The following SOX5 variants were observed in gnomAD, a reference collection of about 807,000 sequenced individuals.
The protein encoded by SOX5 is transcription factor SOX-5.
Under a neutral mutation model 92.0 loss-of-function variants are expected in SOX5, and 9 were observed. The observed-to-expected ratio is 0.10, with a 90% CI of 0.06 to 0.17. The LOEUF is 0.17. Among genes scored for constraint, SOX5 ranks in the 10% least tolerant of loss-of-function variants. The probability of loss-of-function intolerance (pLI) is 1.00; values close to 1 mark genes in which losing one functional copy is unlikely to be tolerated. For missense variants in SOX5, 642 were observed against 944.5 expected (o/e 0.68, Z 4.20); for synonymous variants, 344 against 336.3 (o/e 1.02, Z -0.25).
intron 4 of SOX5, among the ~76,000 whole-genome samples, chr12:23,975,757 C>A (rs572063083): frequency 6.6e-6 from 1 of 152,112 alleles, no homozygotes; most frequent in African/African-American, 2.4e-5. Flanking sequence ...AAATAAAGCA[C>A]GTAGAAGAGT....
intron 8 of SOX5, among the ~76,000 whole-genome samples, chr12:23,628,795 T>C (rs1174710726): frequency 1.3e-5 from 2 of 151,794 alleles, no homozygotes; most frequent in Non-Finnish European, 2.9e-5. Flanking sequence ...CAGGGCTGGC[T>C]TAAGCTTTTT....
chr12:23,628,062 A>C (rs941638280), intron 8 of SOX5, among the ~76,000 whole-genome samples: 10 of 152,094 alleles, frequency 6.6e-5, no homozygotes, highest in African/African-American at 2.4e-4. Context: ...AATCAAACCA[A>C]AACAAGAATA....
rs1004623254 is a variant in SOX5, at chr12:23,630,325, C to T, written c.1017+10487G>A. 2.6e-5 allele frequency among the ~76,000 whole-genome samples: 4 copies of T among 151,840 alleles called. No homozygotes were observed. The East Asian group carries it at 7.7e-4, about 29-fold the overall frequency. On this transcript the variant is annotated intron_variant, in intron 8 of 14. Transcript: ENST00000451604. ...CCATAGCAAAATATGAAAAACTACC[C>T]TTCATGTAACTGCCCAGATTGTCTT... is the stretch of plus-strand genomic sequence containing the variant.
intron 4 of SOX5, among the ~76,000 whole-genome samples, chr12:24,139,034 A>T (rs1950341574): frequency 1.3e-5 from 2 of 152,180 alleles, no homozygotes; most frequent in African/African-American, 4.8e-5. Flanking sequence ...ACACCAGACA[A>T]CAGGCATGCA....
chr12:23,777,154 G>A (rs2095129662), intron 3 of SOX5, among the ~76,000 whole-genome samples: 1 of 152,196 alleles, frequency 6.6e-6, no homozygotes, highest in Non-Finnish European at 1.5e-5. Flanking sequence ...CACTCTTAGA[G>A]ATCCTCTTTG....
intron 8 of SOX5, among the ~76,000 whole-genome samples, chr12:23,624,834 T>C (rs547767041): frequency 3.1e-4 from 47 of 152,270 alleles, no homozygotes; most frequent in African/African-American, 9.6e-4. Context: ...AAACAAAAGA[T>C]ACAAATGCAA....
intron 1 of SOX5, among the ~76,000 whole-genome samples, chr12:23,902,935 C>T (rs1462097896): frequency 6.6e-6 from 1 of 152,038 alleles, no homozygotes; most frequent in Non-Finnish European, 1.5e-5. Flanking sequence ...TTGAATGAGT[C>T]CCTATTTTAT....
chr12:23,816,707 T>C (rs2096002535), intron 3 of SOX5, among the ~76,000 whole-genome samples: 1 of 152,100 alleles, frequency 6.6e-6, no homozygotes, highest in Admixed American at 6.6e-5. Context: ...AGAGCAAATG[T>C]CATAAAAGGG....
intron 13 of SOX5, among the ~76,000 whole-genome samples, chr12:23,537,775 G>T (rs1247556147): frequency 6.6e-6 from 1 of 151,452 alleles, no homozygotes; most frequent in Non-Finnish European, 1.5e-5. Flanking sequence ...AATAGAAGTG[G>T]TAATGTGTCC....
chr12:23,696,167 C>A (rs1467036821), intron 6 of SOX5, among the ~76,000 whole-genome samples: 2 of 151,780 alleles, frequency 1.3e-5, no homozygotes, highest in Non-Finnish European at 2.9e-5. Context: ...AGTATTCATT[C>A]TTCTTCTACA....
rs150447112 is a variant in SOX5, at chr12:23,671,311, A to G, written c.811-5747T>C. On this transcript the variant is annotated intron_variant, in intron 6 of 14. Coordinates refer to ENST00000451604, the MANE Select transcript of SOX5 (RefSeq NM_006940.6). ...AAAACTTTTTCAAATGTTCCTCAAG[A>G]GTTTAGTCTGATGAGTGCTACAGTG... is the stretch of plus-strand genomic sequence containing the variant. Among the ~76,000 whole-genome samples, 42 of 152,254 alleles carry G rather than the reference A, an allele frequency of 2.8e-4. 1 individual carries two copies. The East Asian group carries it at 7.7e-3, about 28-fold the overall frequency.
At chr12:24,354,033 T>C (rs1405628506) in intron 2 of SOX5, among the ~76,000 whole-genome samples, 1 of 152,166 alleles carries the variant, frequency 6.6e-6, no homozygotes, top group African/African-American at 2.4e-5. Flanking sequence ...TTAATTGAGA[T>C]CCCTACCCTT....
chr12:23,940,403 A>G (rs1315937020), intron 1 of SOX5, among the ~76,000 whole-genome samples: 2 of 151,268 alleles, frequency 1.3e-5, no homozygotes, highest in African/African-American at 2.4e-5. Context: ...CTATATGTAA[A>G]GGCTGGCTAT....
chr12:24,265,774 T>C (rs1417320626), intron 3 of SOX5, among the ~76,000 whole-genome samples: 1 of 152,222 alleles, frequency 6.6e-6, no homozygotes, highest in African/African-American at 2.4e-5. Flanking sequence ...TGTGCACATA[T>C]GTACTCATTC....
At chr12:23,687,235 T>C (rs1013497938) in intron 6 of SOX5, among the ~76,000 whole-genome samples, 5 of 152,008 alleles carry the variant, frequency 3.3e-5, no homozygotes, top group Admixed American at 3.3e-4. Flanking sequence ...GGCAGAATTT[T>C]GTGAACATAA....
At chr12:24,011,803 T>G (rs1226434305) in intron 4 of SOX5, among the ~76,000 whole-genome samples, 1 of 152,188 alleles carries the variant, frequency 6.6e-6, no homozygotes, top group East Asian at 1.9e-4. Flanking sequence ...GGTCAACTTT[T>G]AAAATGACAC....
chr12:23,631,171 T>G (rs1182355442), intron 8 of SOX5, among the ~76,000 whole-genome samples: 1 of 152,058 alleles, frequency 6.6e-6, no homozygotes, highest in Admixed American at 6.6e-5. Context: ...ACCCCAGCAT[T>G]TGTTCCTCTT....
chr12:24,308,400 C>T (rs952406490), intron 2 of SOX5, among the ~76,000 whole-genome samples: 3 of 152,204 alleles, frequency 2.0e-5, no homozygotes, highest in African/African-American at 7.2e-5. Context: ...GTGTACTTTA[C>T]TTTGTTTCAT....
At chr12:23,555,418 A>G (rs1244015293) in intron 11 of SOX5, among the ~76,000 whole-genome samples, 1 of 151,664 alleles carries the variant, frequency 6.6e-6, no homozygotes, top group African/African-American at 2.4e-5. Flanking sequence ...AGAACACAAG[A>G]CTCTCTGTTT....
Sources: gnomAD v4.1 joint callset for allele counts (sites outside exome capture counted in the v4.1 genomes callset) on GRCh38, gnomAD v4.1.1 for gene constraint, MANE v1.5 for transcripts, NCBI Gene and HGNC (gene_info 2026-07-23, HGNC 2026-07-21) for gene names.